Variants in MARCHF1 observed in about 807,000 individuals in gnomAD.
MARCHF1 encodes E3 ubiquitin-protein ligase MARCHF1.
A neutral mutation model predicts 54.2 loss-of-function variants in MARCHF1; 40 were observed. That is an observed-to-expected ratio of 0.74 (90% CI 0.57 to 0.96). The LOEUF (loss-of-function observed/expected upper bound fraction) is 0.96, where lower values mean the gene tolerates loss of function less well. Among genes scored for constraint, MARCHF1 ranks in the 40% least tolerant of loss-of-function variants. The probability of loss-of-function intolerance (pLI) is 0.00; values close to 1 mark genes in which losing one functional copy is unlikely to be tolerated. For synonymous variants in MARCHF1, 236 were observed against 236.3 expected, an observed-to-expected ratio of 1.00 and a Z score of 0.01; for missense variants, 586 against 656.5, an observed-to-expected ratio of 0.89 and a Z score of 1.17.
chr4:164,015,960 C>A (rs1406820639), intron 2 of MARCHF1, among the ~76,000 whole-genome samples: 4 of 151,652 alleles, frequency 2.6e-5, no homozygotes, highest in African/African-American at 4.8e-5. Flanking sequence ...ACTGCTGGGT[C>A]TATGTTCATA....
intron 3 of MARCHF1, among the ~76,000 whole-genome samples, chr4:163,943,748 TAAA>T (rs5863641): frequency 0.036 from 4,437 of 123,480 alleles, 208 homozygotes; most frequent in Admixed American, 0.14. Flanking sequence ...AAATAGAAGT[TAAA>T]AAAAAAAAAA....
chr4:163,785,138 T>C (rs141918973), intron 4 of MARCHF1, among the ~76,000 whole-genome samples: 9 of 152,252 alleles, frequency 5.9e-5, no homozygotes, highest in African/African-American at 1.7e-4. Flanking sequence ...TTTAATTTCA[T>C]TGAGTACATA....
chr4:163,966,319 G>A (rs2110825713), intron 3 of MARCHF1, among the ~76,000 whole-genome samples: 1 of 151,818 alleles, frequency 6.6e-6, no homozygotes, highest in South Asian at 2.1e-4. Flanking sequence ...AACAGCTTTA[G>A]GGTATTAAAT....
intron 3 of MARCHF1, among the ~76,000 whole-genome samples, chr4:163,865,910 C>T (rs796829422): frequency 1.3e-5 from 2 of 151,554 alleles, no homozygotes; most frequent in African/African-American, 4.8e-5. Context: ...TACAATTTTT[C>T]CTTCTGTCTC....
chr4:163,827,805 G>A (rs1482046204), intron 4 of MARCHF1, among the ~76,000 whole-genome samples: 3 of 152,088 alleles, frequency 2.0e-5, no homozygotes, highest in Non-Finnish European at 4.4e-5. Flanking sequence ...AATGGACCAT[G>A]CAATTTGACA....
chr4:164,212,823 T>C (rs1731815429), intron 1 of MARCHF1, among the ~76,000 whole-genome samples: 1 of 152,136 alleles, frequency 6.6e-6, no homozygotes, highest in South Asian at 2.1e-4. Flanking sequence ...CTCCCCATTT[T>C]ACAAGAGTGA....
At chr4:163,987,879 A>G (rs928663447) in intron 3 of MARCHF1, among the ~76,000 whole-genome samples, 2 of 152,238 alleles carry the variant, frequency 1.3e-5, no homozygotes, top group African/African-American at 4.8e-5. Flanking sequence ...GGCTCACCGT[A>G]AGAAGTTGAA....
chr4:163,997,931 C>CACACAA (rs1753109494), intron 2 of MARCHF1, among the ~76,000 whole-genome samples: 1 of 121,448 alleles, frequency 8.2e-6, no homozygotes, highest in Admixed American at 9.7e-5. Context: ...TAAATACACA[C>CACACAA]ACACACACAC....
intron 1 of MARCHF1, among the ~76,000 whole-genome samples, chr4:164,344,158 G>C (rs562052292): frequency 6.6e-6 from 1 of 152,278 alleles, no homozygotes; most frequent in African/African-American, 2.4e-5. Flanking sequence ...TCACTTATAA[G>C]TGGGAGCTAA....
At chr4:163,775,636 A>G (rs1747283215) in intron 4 of MARCHF1, among the ~76,000 whole-genome samples, 1 of 152,168 alleles carries the variant, frequency 6.6e-6, no homozygotes, top group Non-Finnish European at 1.5e-5. Flanking sequence ...TATTATTTTC[A>G]GAGATTAAAG....
At chr4:163,748,206 G>A (rs1429125771) in intron 4 of MARCHF1, among the ~76,000 whole-genome samples, 1 of 152,130 alleles carries the variant, frequency 6.6e-6, no homozygotes, top group East Asian at 1.9e-4. Context: ...GGGCTCTACA[G>A]AACCTTCTGA....
intron 4 of MARCHF1, among the ~76,000 whole-genome samples, chr4:163,775,159 T>C (rs1282437094): frequency 2.0e-5 from 3 of 152,188 alleles, no homozygotes; most frequent in African/African-American, 7.2e-5. Context: ...CTTGTTTTGT[T>C]GCAAAAGCAA....
chr4:163,775,664 T>G (rs533383908), intron 4 of MARCHF1, among the ~76,000 whole-genome samples: 1 of 152,184 alleles, frequency 6.6e-6, no homozygotes, highest in East Asian at 1.9e-4. Flanking sequence ...TTCCCTGATT[T>G]TAAGATAATA....
At chr4:163,743,596 T>C (rs10006558) in intron 4 of MARCHF1, among the ~76,000 whole-genome samples, 6,408 of 121,312 alleles carry the variant, frequency 0.053, 442 homozygotes, top group African/African-American at 0.18. Context: ...TTTTTTTTTT[T>C]GAGACAGAGT....
At chr4:164,052,143 T>TC (rs554019055) in intron 2 of MARCHF1, among the ~76,000 whole-genome samples, 1 of 111,080 alleles carries the variant, frequency 9.0e-6, no homozygotes, top group Non-Finnish European at 1.9e-5. Context: ...AAGTTTTTTT[T>TC]TTTGTTTTTT....
intron 2 of MARCHF1, among the ~76,000 whole-genome samples, chr4:164,001,942 AG>A (rs1403610036): frequency 5.9e-5 from 9 of 151,892 alleles, no homozygotes; most frequent in Non-Finnish European, 1.0e-4. Flanking sequence ...ACAGACTTCA[AG>A]TTTTAGCAAA....
At chr4:163,592,742 T>C (rs1421100501) in intron 7 of MARCHF1, among the ~76,000 whole-genome samples, 1 of 152,090 alleles carries the variant, frequency 6.6e-6, no homozygotes, top group Non-Finnish European at 1.5e-5. Context: ...GGACTTTAAA[T>C]TCTGCTTGGG....
chr4:164,280,962 G>T (rs988614088), intron 1 of MARCHF1, among the ~76,000 whole-genome samples: 3 of 151,844 alleles, frequency 2.0e-5, no homozygotes, highest in Admixed American at 1.3e-4. Context: ...AATACTTTAG[G>T]GAATGAAGAG....
intron 1 of MARCHF1, among the ~76,000 whole-genome samples, chr4:164,316,260 G>A (rs1238339393): frequency 2.0e-5 from 3 of 152,076 alleles, no homozygotes; most frequent in African/African-American, 7.2e-5. Flanking sequence ...GTCAAAAGTA[G>A]CAATGACTTC....
Sources: gnomAD v4.1 joint callset for allele counts (sites outside exome capture counted in the v4.1 genomes callset) on GRCh38, gnomAD v4.1.1 for gene constraint, MANE v1.5 for transcripts, NCBI Gene and HGNC (gene_info 2026-07-23, HGNC 2026-07-21) for gene names.